PCDHGB1: variants seen among roughly 807,000 people sequenced by gnomAD.
PCDHGB1 encodes protocadherin gamma-B1.
In PCDHGB1, 34 loss-of-function variants were observed where a neutral mutation model predicts 56.6. The observed-to-expected ratio is 0.60, with a 90% confidence interval of 0.46 to 0.80. The LOEUF (loss-of-function observed/expected upper bound fraction) is 0.80, where lower values mean the gene tolerates loss of function less well. Ranked by LOEUF, PCDHGB1 falls within the 30% of genes least tolerant of loss-of-function variation. The pLI is 0.00. For synonymous variants in PCDHGB1, 561 were observed against 505.9 expected (o/e 1.11, Z -1.46); for missense variants, 1,278 against 1,204.6 (o/e 1.06, Z -0.90).
chr5:141,362,391 C>A, intron 1 of PCDHGB1: 2 of 1,614,058 alleles, frequency 1.2e-6, no homozygotes, highest in Admixed American at 3.3e-5. Flanking sequence ...CCTATTCCTA[C>A]AACCTGTGTG....
At chr5:141,366,922 C>T in intron 1 of PCDHGB1, 1 of 1,046,460 alleles carries the variant, frequency 9.6e-7, no homozygotes, top group Non-Finnish European at 1.3e-6. Context: ...TTTTCAAATT[C>T]TGTTTTGGGA....
chr5:141,430,996 G>T, intron 1 of PCDHGB1: 1 of 1,614,024 alleles, frequency 6.2e-7, no homozygotes, highest in Middle Eastern at 1.6e-4. Flanking sequence ...CCCTGAATCC[G>T]CGCAGCGGCA....
chr5:141,405,273 A>G (rs762280864), intron 1 of PCDHGB1: 5 of 1,613,974 alleles, frequency 3.1e-6, no homozygotes, highest in African/African-American at 2.7e-5. Context: ...CCCCAGCCCA[A>G]CTATGCAGAC....
chr5:141,382,954 C>T, intron 1 of PCDHGB1: 1 of 1,604,450 alleles, frequency 6.2e-7, no homozygotes, highest in East Asian at 2.2e-5. Flanking sequence ...GCTCTCCATC[C>T]TCCTGGGGAC....
At chr5:141,429,169 T>TACACACACACACACACAC (rs10667977) in intron 1 of PCDHGB1, 2 of 145,394 alleles carry the variant, frequency 1.4e-5, no homozygotes, top group African/African-American at 5.1e-5. Flanking sequence ...ACATTGTTTA[T>TACACACACACACACACAC]ACACACACAC....
intron 1 of PCDHGB1, chr5:141,415,755 T>TTTG: frequency 1.4e-6 from 2 of 1,387,632 alleles, no homozygotes; most frequent in Middle Eastern, 2.6e-4. Context: ...TTTTTTTTTT[T>TTTG]TTTTTTTTTT....
At chr5:141,372,522 G>A (rs759250494) in intron 1 of PCDHGB1, 17 of 1,613,986 alleles carry the variant, frequency 1.1e-5, no homozygotes, top group Non-Finnish European at 1.4e-5. Context: ...GGTGATTCTG[G>A]CAATCTCCCT....
At chr5:141,417,517 T>C (rs2096127273) in intron 1 of PCDHGB1, 1 of 255,788 alleles carries the variant, frequency 3.9e-6, no homozygotes, top group East Asian at 7.9e-5. Flanking sequence ...ATATTTTGGC[T>C]GTCAACTCGT....
chr5:141,473,905 G>T (rs940750776), intron 1 of PCDHGB1, among the ~76,000 whole-genome samples: 2 of 152,096 alleles, frequency 1.3e-5, no homozygotes, highest in African/African-American at 4.8e-5. Context: ...TCATGAAGAG[G>T]TCTTAAGAAA....
chr5:141,453,620 A>G (rs2098770145), intron 1 of PCDHGB1, among the ~76,000 whole-genome samples: 1 of 152,196 alleles, frequency 6.6e-6, no homozygotes. Context: ...CAAAAACAAA[A>G]CCTATACATA....
In PCDHGB1 at chr5:141,511,233, T is replaced by C. The variant is rs776405064; in HGVS notation, c.*60T>C. 5.0e-6 allele frequency: 8 copies of C among 1,595,310 alleles called. No homozygotes were observed. Among genetic ancestry groups the C allele is most frequent in the Non-Finnish European group, 6.8e-6 (8 of 1,170,902 alleles). On this transcript the variant is annotated 3_prime_UTR_variant, in exon 4 of 4. Transcript: ENST00000523390. ...CTCCCCAACCAGCCCAGCTTCTCCT[T>C]ACCTGCACCCAGGCCTCAGAGTTTC...
chr5:141,419,354 C>G (rs1444462815), intron 1 of PCDHGB1: 1 of 1,613,828 alleles, frequency 6.2e-7, no homozygotes, highest in Admixed American at 1.7e-5. Flanking sequence ...CCTGGAGTCA[C>G]GAACGCTGTC....
rs377532961 is a variant in PCDHGB1 at position 141,366,656 on chromosome 5, G to A, written c.2409+13987G>A. ...CCTGATCTTTCCCCAGCCCAACTAC[G>A]CAGACACGCTCCTTAGTGAAGAGAG... On this transcript the variant is annotated intron_variant, in intron 1 of 3. Coordinates refer to ENST00000523390, the MANE Select transcript of PCDHGB1 (RefSeq NM_018922.3). 62 of 1,614,120 alleles carry A rather than the reference G, an allele frequency of 3.8e-5. No individual in the cohort carries two copies. In the South Asian group the frequency reaches 4.8e-4, roughly 13 times the overall value.
chr5:141,364,872 A>G (rs760519562), intron 1 of PCDHGB1: 6 of 1,613,890 alleles, frequency 3.7e-6, no homozygotes, highest in Non-Finnish European at 5.1e-6. Context: ...TTCTCTCTGG[A>G]TGTGGTAAGC....
At position 141,492,138 on chromosome 5, in the gene PCDHGB1, T is replaced by C. The variant is rs577884713; in HGVS notation, c.2410-2669T>C. ...ATTTCTCCCCAGCTCCCAGCATCTG[T>C]GACTTCACTGTTACCCTCCCTATCC... On this transcript the variant is annotated intron_variant, in intron 1 of 3. Coordinates refer to ENST00000523390, the MANE Select transcript of PCDHGB1 (RefSeq NM_018922.3). 2.4e-3 allele frequency among the ~76,000 whole-genome samples: 366 copies of C among 152,312 alleles called. 1 individual carries two copies. Among genetic ancestry groups the C allele is most frequent in the Non-Finnish European group, 3.5e-3 (238 of 68,014 alleles).
At chr5:141,452,538 G>T (rs1330051133) in intron 1 of PCDHGB1, among the ~76,000 whole-genome samples, 1 of 152,148 alleles carries the variant, frequency 6.6e-6, no homozygotes, top group Non-Finnish European at 1.5e-5. Flanking sequence ...AGTTCATATT[G>T]ATACCTCCAG....
At chr5:141,430,946 G>A (rs2097328634) in intron 1 of PCDHGB1, 1 of 1,609,494 alleles carries the variant, frequency 6.2e-7, no homozygotes, top group Non-Finnish European at 8.5e-7. Flanking sequence ...CGCGGAGCGC[G>A]GAGTCCGCAT....
At chr5:141,404,520 A>C (rs1483361714) in intron 1 of PCDHGB1, 2 of 1,613,916 alleles carry the variant, frequency 1.2e-6, no homozygotes, top group Non-Finnish European at 1.7e-6. Context: ...TTTGACTATG[A>C]GCAGTTTAGA....
chr5:141,462,414 T>C (rs549473269), intron 1 of PCDHGB1, among the ~76,000 whole-genome samples: 1 of 152,360 alleles, frequency 6.6e-6, no homozygotes, highest in Non-Finnish European at 1.5e-5. Flanking sequence ...CAGAATATGG[T>C]CTATCTTGGT....
Sources: gnomAD v4.1 joint callset for allele counts (sites outside exome capture counted in the v4.1 genomes callset) on GRCh38, gnomAD v4.1.1 for gene constraint, MANE v1.5 for transcripts, NCBI Gene and HGNC (gene_info 2026-07-23, HGNC 2026-07-21) for gene names.